Variants in CDC42BPA observed in about 807,000 individuals in gnomAD.
The protein encoded by CDC42BPA is serine/threonine-protein kinase MRCK alpha.
A neutral mutation model predicts 223.5 loss-of-function variants in CDC42BPA; 80 were observed. The observed-to-expected ratio is 0.36, with a 90% CI of 0.30 to 0.43. The LOEUF (loss-of-function observed/expected upper bound fraction) is 0.43, where lower values mean the gene tolerates loss of function less well. Among genes scored for constraint, CDC42BPA ranks in the 20% least tolerant of loss-of-function variants. The pLI, the probability that CDC42BPA is intolerant of heterozygous loss-of-function variation, is 1.00. For missense variants in CDC42BPA, 1,743 were observed against 2,099.9 expected, an observed-to-expected ratio of 0.83 and a Z score of 3.32; for synonymous variants, 694 against 718.6, an observed-to-expected ratio of 0.97 and a Z score of 0.55.
intron 16 of CDC42BPA, among the ~76,000 whole-genome samples, chr1:227,083,258 C>A (rs2149164497): frequency 6.6e-6 from 1 of 151,618 alleles, no homozygotes; most frequent in South Asian, 2.1e-4. Context: ...TTTTTAATCC[C>A]TGACTACACT....
rs1322386728 is a variant in CDC42BPA at position 227,051,918 on chromosome 1, G to A, written c.2972C>T (p.Thr991Ile). The change falls in exon 22 of 37, where the codon ACA becomes ATA. Residue 991 changes from threonine (T) to isoleucine (I), a missense_variant. Around this residue, in one of 6 missense-constraint regions of CDC42BPA, gnomAD observed 678 missense variants for 777.5 expected, o/e 0.87. Coordinates refer to ENST00000366766, the MANE Select transcript of CDC42BPA (RefSeq NM_001394014.1). ...AGCTTCACTAGATGTGGAAGGAGAT[G>A]TGGACCGTGACTGGATGTGAAACTT... ...SVKFHIQSRS[T>I]SPSTSSEAEP... The A allele has an allele frequency of 2.2e-6, 3 of 1,366,344 alleles. No homozygotes were observed. The African/African-American group carries it at 4.4e-5, about 20-fold the overall frequency. 84.6% of individuals were successfully genotyped at this position (1,366,344 alleles called of 1,614,324 possible). A position where few individuals can be genotyped will look rare whatever the true frequency, so the allele number is the denominator to read the frequency against.
intron 11 of CDC42BPA, among the ~76,000 whole-genome samples, chr1:227,122,506 C>T (rs489565): frequency 0.28 from 43,144 of 152,108 alleles, 6,335 homozygotes; most frequent in African/African-American, 0.35. Context: ...GTGTTAATTT[C>T]AGTTCTCACC....
At chr1:227,218,922 A>G (rs1411406347) in intron 2 of CDC42BPA, among the ~76,000 whole-genome samples, 3 of 152,238 alleles carry the variant, frequency 2.0e-5, no homozygotes, top group Non-Finnish European at 4.4e-5. Context: ...TATCCTTTCT[A>G]TGGAGACACA....
At chr1:227,230,978 G>A (rs745688739) in intron 2 of CDC42BPA, among the ~76,000 whole-genome samples, 3 of 151,560 alleles carry the variant, frequency 2.0e-5, no homozygotes, top group Non-Finnish European at 4.4e-5. Flanking sequence ...GCACCACCAA[G>A]CCTAGCTAAT....
intron 6 of CDC42BPA, among the ~76,000 whole-genome samples, chr1:227,153,750 A>T (rs1662218752): frequency 6.6e-6 from 1 of 151,936 alleles, no homozygotes; most frequent in Non-Finnish European, 1.5e-5. Context: ...TACAAAATCT[A>T]TCTGCAAAAC....
chr1:227,313,358 C>T (rs1483686539), intron 1 of CDC42BPA, among the ~76,000 whole-genome samples: 4 of 152,092 alleles, frequency 2.6e-5, no homozygotes, highest in African/African-American at 9.7e-5. Context: ...TATCATCTGG[C>T]AACTACCTCT....
chr1:227,050,779 G>A (rs535026603), intron 22 of CDC42BPA, among the ~76,000 whole-genome samples: 23 of 152,194 alleles, frequency 1.5e-4, no homozygotes, highest in Non-Finnish European at 3.2e-4. Flanking sequence ...AACCAAGAAA[G>A]GGAAGATGCA....
At chr1:227,002,221 A>T (rs1663009593) in intron 35 of CDC42BPA, among the ~76,000 whole-genome samples, 1 of 152,250 alleles carries the variant, frequency 6.6e-6, no homozygotes, top group Non-Finnish European at 1.5e-5. Flanking sequence ...ACCATCACTT[A>T]ATTCCTAAAG....
At chr1:227,078,034 A>G (rs1262102628) in intron 17 of CDC42BPA, among the ~76,000 whole-genome samples, 1 of 152,290 alleles carries the variant, frequency 6.6e-6, no homozygotes, top group Admixed American at 6.5e-5. Context: ...AACCTTCTCC[A>G]TCTTACAAAT....
At chr1:227,213,373 C>T (rs887264929) in intron 2 of CDC42BPA, among the ~76,000 whole-genome samples, 154 bp from the exon 3 acceptor site, 11 of 72,108 alleles carry the variant, frequency 1.5e-4, no homozygotes, top group African/African-American at 5.3e-4. Context: ...ATAATGTTGC[C>T]AGATGAAAAA....
At chr1:227,304,534 A>G (rs1692228147) in intron 1 of CDC42BPA, among the ~76,000 whole-genome samples, 1 of 152,184 alleles carries the variant, frequency 6.6e-6, no homozygotes, top group African/African-American at 2.4e-5. Context: ...CAAAGAAGAA[A>G]CAAGTCCCTG....
chr1:227,236,937 G>C (rs1679148138), intron 2 of CDC42BPA, among the ~76,000 whole-genome samples: 1 of 150,920 alleles, frequency 6.6e-6, no homozygotes, highest in Admixed American at 6.7e-5. Flanking sequence ...CAGCTACTCA[G>C]GAAGCTGAGG....
chr1:227,133,430 C>G (rs889831208), intron 10 of CDC42BPA, among the ~76,000 whole-genome samples: 4 of 152,154 alleles, frequency 2.6e-5, no homozygotes, highest in Admixed American at 2.0e-4. Flanking sequence ...GTGAGGAGCC[C>G]CTCTGCCCGG....
At chr1:227,096,320 A>T (rs1373283062) in intron 15 of CDC42BPA, among the ~76,000 whole-genome samples, 4 of 152,204 alleles carry the variant, frequency 2.6e-5, no homozygotes, top group Admixed American at 6.5e-5. Context: ...ATGTAAAACC[A>T]TTCTTTTTCC....
At chr1:227,197,560 CAAG>C (rs1259809388) in intron 4 of CDC42BPA, among the ~76,000 whole-genome samples, 1 of 152,058 alleles carries the variant, frequency 6.6e-6, no homozygotes, top group African/African-American at 2.4e-5. Context: ...TAAAACTAAA[CAAG>C]AGGAGAGAGA....
chr1:227,226,093 TAAACTC>T (rs1676818480), intron 2 of CDC42BPA, among the ~76,000 whole-genome samples: 1 of 152,234 alleles, frequency 6.6e-6, no homozygotes, highest in Admixed American at 6.5e-5. Flanking sequence ...GTCCTTGTAA[TAAACTC>T]AAATGGATTA....
At chr1:227,232,889 A>G (rs1016296120) in intron 2 of CDC42BPA, among the ~76,000 whole-genome samples, 1 of 152,170 alleles carries the variant, frequency 6.6e-6, no homozygotes, top group Non-Finnish European at 1.5e-5. Flanking sequence ...CAGTCTGTCC[A>G]TTCTCAGATC....
At chr1:227,039,651 G>A (rs1164305769) in intron 24 of CDC42BPA, among the ~76,000 whole-genome samples, 1 of 151,824 alleles carries the variant, frequency 6.6e-6, no homozygotes, top group African/African-American at 2.4e-5. Flanking sequence ...TATGTCCCCA[G>A]TGCCTAGAAG....
Position 227,317,409 on chromosome 1 carries a change from TA to T in CDC42BPA, c.-228del, listed in dbSNP as rs1694578294. 17 of 442,574 alleles carry T rather than the reference TA, an allele frequency of 3.8e-5. No individual in the cohort carries two copies. In the East Asian group the frequency reaches 5.7e-4, roughly 15 times the overall value. 27.4% of individuals were successfully genotyped at this position (442,574 alleles called of 1,614,324 possible). A position where few individuals can be genotyped will look rare whatever the true frequency, so the allele number is the denominator to read the frequency against. ...CATATATTTTGAGGGTAAATTACCA[TA>T]AAATATATACTTAATGCATTTTTAA... On this transcript the variant is annotated 5_prime_UTR_variant, in exon 1 of 37. Coordinates refer to ENST00000366766, the MANE Select transcript of CDC42BPA (RefSeq NM_001394014.1).
Sources: gnomAD v4.1 joint callset for allele counts (sites outside exome capture counted in the v4.1 genomes callset) on GRCh38, gnomAD v4.1.1 for gene constraint, gnomAD v4.1.1 regional missense constraint, MANE v1.5 for transcripts, NCBI Gene and HGNC (gene_info 2026-07-23, HGNC 2026-07-21) for gene names.